The following MOSPD2 variants were observed in gnomAD, a reference collection of about 807,000 sequenced individuals.
MOSPD2 encodes the protein motile sperm domain containing 2.
A neutral mutation model predicts 41.7 loss-of-function variants in MOSPD2; 5 were observed. The ratio of observed to expected loss-of-function variants is 0.12; its 90% CI spans 0.06 to 0.25. The LOEUF (loss-of-function observed/expected upper bound fraction) is 0.25. Among genes scored for constraint, MOSPD2 ranks in the 10% least tolerant of loss-of-function variants. The pLI is 1.00. For missense variants in MOSPD2, 282 were observed against 375.2 expected (o/e 0.75, Z 2.05); for synonymous variants, 115 against 126.9 (o/e 0.91, Z 0.63).
intron 8 of MOSPD2, among the ~76,000 whole-genome samples, chrX:14,909,425 A>T (rs199679570): frequency 1.8e-5 from 2 of 111,449 alleles, no homozygotes; most frequent in East Asian, 5.6e-4. Flanking sequence ...TCTTCACAGT[A>T]CGTCTTATTC....
intron 3 of MOSPD2, among the ~76,000 whole-genome samples, chrX:14,894,316 ATTT>A (rs759189386): frequency 3.9e-4 from 26 of 66,509 alleles, no homozygotes; most frequent in African/African-American, 4.9e-4. Flanking sequence ...TTATTGATTG[ATTT>A]TTTTTTTTTT....
Position 14,897,232 on chromosome X carries a change from T to C in MOSPD2, c.471T>C (p.Asn157=). 2 of 1,194,336 alleles carry C rather than the reference T, an allele frequency of 1.7e-6. No individual in the cohort carries two copies. The highest frequency in any genetic ancestry group is 2.3e-6 in the Non-Finnish European group (2 of 886,473). ...VMFDLSETGI[N]SIDMDFVRFI... is the part of the protein sequence containing the mutation. Reference sequence around the variant, plus strand: ...TTGACCTGTCAGAAACTGGAATAAATAGCATTGTAAGCATTTTTTCATTCA... The same window carrying C: ...TTGACCTGTCAGAAACTGGAATAAACAGCATTGTAAGCATTTTTTCATTCA... Residue 157 remains asparagine, a synonymous_variant, in exon 5 of 15, where the codon AAT becomes AAC. Coordinates refer to ENST00000380492, the MANE Select transcript of MOSPD2 (RefSeq NM_152581.4).
rs2092575767 is a variant in MOSPD2 at position 14,903,023 on chromosome X, T to C, written c.577+19T>C. On this transcript the variant is annotated intron_variant, in intron 7 of 14. Coordinates refer to ENST00000380492, the MANE Select transcript of MOSPD2 (RefSeq NM_152581.4). Reference sequence around the variant, plus strand: ...ATGAATGGTGAGTATATTTATACTTTCTTAAAACAAAATGTCTAATTTCCT... The same window carrying C: ...ATGAATGGTGAGTATATTTATACTTCCTTAAAACAAAATGTCTAATTTCCT... 19 of 1,035,880 alleles carry C rather than the reference T, an allele frequency of 1.8e-5. No individual in the cohort carries two copies. The highest frequency in any genetic ancestry group is 2.3e-5 in the Non-Finnish European group (17 of 740,300). 85.4% of individuals were successfully genotyped at this position (1,035,880 alleles called of 1,213,427 possible).
intron 2 of MOSPD2, among the ~76,000 whole-genome samples, chrX:14,891,510 T>TA (rs1012076851): frequency 1.0e-4 from 11 of 110,507 alleles, no homozygotes; most frequent in Non-Finnish European, 1.9e-4. Context: ...ATTTTTTTTT[T>TA]ACTGTTTTTT....
At chrX:14,894,653 C>G (rs2147489509) in intron 3 of MOSPD2, among the ~76,000 whole-genome samples, 1 of 110,538 alleles carries the variant, frequency 9.0e-6, no homozygotes, top group Admixed American at 9.7e-5. Context: ...GAGGTTGTCT[C>G]ACTGTGTTGC....
intron 13 of MOSPD2, among the ~76,000 whole-genome samples, chrX:14,917,182 G>A (rs375373767): frequency 7.1e-4 from 80 of 112,097 alleles, no homozygotes; most frequent in African/African-American, 2.0e-3. Context: ...CCATAGTGTC[G>A]AGGTGGAGAA....
At chrX:14,905,974 A>G (rs908985236) in intron 7 of MOSPD2, among the ~76,000 whole-genome samples, 2 of 111,634 alleles carry the variant, frequency 1.8e-5, no homozygotes, top group Admixed American at 9.6e-5. Context: ...ACCTGTGGAT[A>G]TGGAGGGCCG....
rs778812199 is a variant in MOSPD2, at chrX:14,911,400, C to G, written c.866C>G (p.Pro289Arg). 31 of 1,176,170 alleles carry G rather than the reference C, an allele frequency of 2.6e-5. No individual in the cohort carries two copies. The highest frequency in any genetic ancestry group is 3.4e-5 in the Non-Finnish European group (30 of 875,533). The stretch of plus-strand genomic sequence containing the variant: ...ACAATTTCTAATGAAGAACAAACAC[C>G]TCTTCTTAAAAAGGTAACTTTATAA... ...LETISNEEQT[P>R]LLKKINPTES... Residue 289 changes from proline to arginine, a missense_variant, in exon 9 of 15, where the codon CCT (proline) becomes CGT (arginine). Physicochemically the swap from Pro to Arg is moderately radical, Grantham distance 103. Transcript: ENST00000380492.
chrX:14,898,584 C>T (rs973941383), intron 5 of MOSPD2, among the ~76,000 whole-genome samples: 3 of 111,352 alleles, frequency 2.7e-5, no homozygotes, highest in African/African-American at 9.8e-5. Context: ...ATTTTATATC[C>T]AAAATCAAAA....
chrX:14,891,503 T>G (rs1440447346), intron 2 of MOSPD2, among the ~76,000 whole-genome samples: 1 of 110,940 alleles, frequency 9.0e-6, no homozygotes, highest in Non-Finnish European at 1.9e-5. Flanking sequence ...TTAGTTAATT[T>G]TTTTTTTACT....
chrX:14,912,206 T>G (rs2092592964), intron 9 of MOSPD2, 43 bp from the exon 10 acceptor site: 1 of 918,138 alleles, frequency 1.1e-6, no homozygotes, highest in Non-Finnish European at 1.5e-6. Flanking sequence ...TTAATGGTCA[T>G]GTTAATATAT....
chrX:14,916,104 T>C, intron 12 of MOSPD2, 93 bp from the exon 13 acceptor site: 1 of 1,131,267 alleles, frequency 8.8e-7, no homozygotes, highest in Admixed American at 2.9e-5. Flanking sequence ...TTTTCCTTAA[T>C]GTTGAGTTCC....
At position 14,900,593 on chromosome X, in the gene MOSPD2, T is replaced by C. The variant is rs2092571301; in HGVS notation, c.496T>C (p.Phe166Leu). The C allele has an allele frequency of 1.8e-6, 2 of 1,140,824 alleles. No individual in the cohort carries two copies. The highest frequency in any genetic ancestry group is 2.0e-5 in the South Asian group (1 of 48,829). The allele number at this position is 1,140,824 out of a possible 1,213,427, so 94.0% of individuals were successfully genotyped here. A position where few individuals can be genotyped will look rare whatever the true frequency, so the allele number is the denominator to read the frequency against. ...INSIDMDFVR[F>L]IINCFKVYYP... ...ATTTTAGGACATGGACTTTGTACGC[T>C]TTATCATCAACTGCTTTAAGGTTTA... Residue 166 changes from phenylalanine to leucine, a missense_variant, in exon 6 of 15, where the codon TTT becomes CTT. Around this residue, in one of 3 missense-constraint regions of MOSPD2, gnomAD observed 187 missense variants for 256.6 expected, o/e 0.73. Transcript: ENST00000380492.
intron 4 of MOSPD2, 78 bp from the exon 5 acceptor site, chrX:14,897,006 C>A: frequency 1.3e-6 from 1 of 756,874 alleles, no homozygotes; most frequent in Non-Finnish European, 1.8e-6. Flanking sequence ...TGAAAAATGT[C>A]AAGGGAAAGG....
intron 2 of MOSPD2, among the ~76,000 whole-genome samples, chrX:14,888,834 T>C (rs2092548001): frequency 9.0e-6 from 1 of 110,735 alleles, no homozygotes; most frequent in Non-Finnish European, 1.9e-5. Context: ...CTTTTGGGTG[T>C]ACATCTTTAG....
At position 14,921,487 on chromosome X, in the gene MOSPD2, C is replaced by A. The variant is rs1183479734; in HGVS notation, c.*1678C>A. On this transcript the variant is annotated 3_prime_UTR_variant, in exon 15 of 15. Transcript: ENST00000380492. ...TTCCCCTTACATGGTAGATTTTTGGCCTTAATATAATCTAATCCCAAAGTA... is the reference window on the plus strand; with the variant it reads ...TTCCCCTTACATGGTAGATTTTTGGACTTAATATAATCTAATCCCAAAGTA... 1.3e-5 allele frequency: 11 copies of A among 818,025 alleles called. No homozygotes were observed. The East Asian group carries it at 4.7e-4, about 35-fold the overall frequency. 67.4% of individuals were successfully genotyped at this position (818,025 alleles called of 1,213,427 possible).
intron 8 of MOSPD2, among the ~76,000 whole-genome samples, chrX:14,910,917 T>TAA (rs2092590411): frequency 1.0e-5 from 1 of 95,578 alleles, no homozygotes; most frequent in African/African-American, 4.1e-5. Flanking sequence ...AGAACTTATA[T>TAA]AGTTCTTTAA....
At chrX:14,876,369 G>C (rs1220170450) in intron 2 of MOSPD2, among the ~76,000 whole-genome samples, 1 of 111,852 alleles carries the variant, frequency 8.9e-6, no homozygotes, top group Admixed American at 9.4e-5. Flanking sequence ...TTTCCTAAAG[G>C]AAAATATTTA....
At chrX:14,892,632 C>G (rs1405097101) in intron 2 of MOSPD2, 91 bp from the exon 3 acceptor site, 3 of 686,276 alleles carry the variant, frequency 4.4e-6, no homozygotes, top group Non-Finnish European at 6.7e-6. Context: ...TTAACTTTGT[C>G]TTGGAAGTCT....
Sources: allele counts gnomAD v4.1 joint callset (sites outside exome capture counted in the v4.1 genomes callset), GRCh38; gene constraint gnomAD v4.1.1; regional missense constraint gnomAD v4.1.1; transcripts MANE v1.5; gene names NCBI Gene and HGNC (gene_info 2026-07-23, HGNC 2026-07-21).